RBFOX1: variants seen among roughly 807,000 people sequenced by gnomAD.
RBFOX1 encodes the protein RNA binding protein fox-1 homolog 1.
Under a neutral mutation model 57.7 loss-of-function variants are expected in RBFOX1, and 8 were observed. The ratio of observed to expected loss-of-function variants is 0.14; its 90% CI spans 0.08 to 0.25. The LOEUF is 0.25. Ranked by LOEUF, RBFOX1 falls within the 10% of genes least tolerant of loss-of-function variation. The pLI, the probability that RBFOX1 is intolerant of heterozygous loss-of-function variation, is 1.00. For missense variants in RBFOX1, 611 were observed against 548.5 expected (o/e 1.11, Z -1.14); for synonymous variants, 326 against 222.4 (o/e 1.47, Z -4.15).
At chr16:5,886,940 C>A (rs1555558350) in intron 4 of RBFOX1, among the ~76,000 whole-genome samples, 3 of 152,274 alleles carry the variant, frequency 2.0e-5, no homozygotes, top group South Asian at 4.1e-4. Context: ...ACCAGTCATT[C>A]CCTTAGACCA....
At chr16:6,956,517 G>T (rs1446124082) in intron 3 of RBFOX1, among the ~76,000 whole-genome samples, 12 of 152,154 alleles carry the variant, frequency 7.9e-5, no homozygotes, top group Admixed American at 6.5e-4. Flanking sequence ...TAAACCTGGA[G>T]TGGGGAAGGA....
chr16:5,867,150 A>G (rs12598489), intron 3 of RBFOX1, among the ~76,000 whole-genome samples: 7,721 of 149,322 alleles, frequency 0.052, 257 homozygotes, highest in Admixed American at 0.073. Flanking sequence ...AAGAAAATGC[A>G]TGTGTGTGTG....
intron 4 of RBFOX1, among the ~76,000 whole-genome samples, chr16:7,355,670 C>T (rs146067593): frequency 1.3e-5 from 2 of 152,218 alleles, no homozygotes; most frequent in African/African-American, 4.8e-5. Context: ...GCACACAATT[C>T]TATAAACAGT....
chr16:6,393,738 A>C (rs895314976), intron 2 of RBFOX1, among the ~76,000 whole-genome samples: 23 of 152,286 alleles, frequency 1.5e-4, no homozygotes, highest in African/African-American at 5.1e-4. Flanking sequence ...AGGAAAGGCA[A>C]GGCTGTGTGT....
intron 4 of RBFOX1, among the ~76,000 whole-genome samples, chr16:7,252,935 C>G (rs990698369): frequency 1.3e-5 from 2 of 152,134 alleles, no homozygotes; most frequent in African/African-American, 4.8e-5. Context: ...TGTGTAATCA[C>G]ACACATTTTG....
intron 3 of RBFOX1, among the ~76,000 whole-genome samples, chr16:5,630,732 C>T (rs1056116488): frequency 6.6e-6 from 1 of 152,094 alleles, no homozygotes; most frequent in South Asian, 2.1e-4. Context: ...TCATTCATAC[C>T]CAGGCAGTAT....
intron 4 of RBFOX1, among the ~76,000 whole-genome samples, chr16:7,258,952 C>T (rs1603451661): frequency 6.6e-6 from 1 of 152,182 alleles, no homozygotes; most frequent in African/African-American, 2.4e-5. Flanking sequence ...AAGATGGGTC[C>T]TGTTTCACCT....
Position 6,432,214 on chromosome 16 carries a change from C to A in RBFOX1, c.-64+115157C>A, listed in dbSNP as rs138651634. ...GAATTCCTGACTTTAAGCAGTCCTC[C>A]CACCTGGGCTTCCCAAAGTGCTAGG... On this transcript the variant is annotated intron_variant, in intron 2 of 15. Transcript: ENST00000550418. Among the ~76,000 whole-genome samples, 76 of 152,060 alleles carry A rather than the reference C, an allele frequency of 5.0e-4. 1 individual carries two copies. The highest frequency in any genetic ancestry group is 1.4e-3 in the African/African-American group (57 of 41,462).
chr16:6,931,433 C>G lies in RBFOX1; in HGVS notation c.-15-120624C>G, dbSNP rs116837417. On this transcript the variant is annotated intron_variant, in intron 3 of 15. Coordinates refer to ENST00000550418, the MANE Select transcript of RBFOX1 (RefSeq NM_018723.4). ...CATGAACCACTAAAGGCATAATAAA[C>G]GTCTGCTGCCTTGGACCAGCATCTC... Among the ~76,000 whole-genome samples the G allele has an allele frequency of 1.8e-4, 27 of 151,918 alleles. 1 individual carries two copies. The East Asian group carries it at 5.2e-3, about 29-fold the overall frequency.
intron 1 of RBFOX1, among the ~76,000 whole-genome samples, chr16:6,242,182 T>C (rs1420984731): frequency 6.6e-6 from 1 of 152,190 alleles, no homozygotes; most frequent in Non-Finnish European, 1.5e-5. Flanking sequence ...GTACATGTTA[T>C]ATGCATATAT....
At chr16:5,423,678 T>C (rs916328455) in intron 1 of RBFOX1, among the ~76,000 whole-genome samples, 1 of 152,198 alleles carries the variant, frequency 6.6e-6, no homozygotes, top group Admixed American at 6.5e-5. Flanking sequence ...TTTACAAATC[T>C]ATCTTGCTGT....
At chr16:7,628,092 A>G (rs1363826113) in intron 10 of RBFOX1, among the ~76,000 whole-genome samples, 2 of 152,198 alleles carry the variant, frequency 1.3e-5, no homozygotes, top group African/African-American at 4.8e-5. Context: ...CATCGAGGAT[A>G]TTGAAAATTG....
rs1255929364 is a variant in RBFOX1 at position 7,052,567 on chromosome 16, AGT to A, written c.27+471_27+472del. ...TGTTATCTATAGACCTCTTGGTTTT[AGT>A]GACATTTGTGTATATGGGAGAGGGA... On this transcript the variant is annotated intron_variant, in intron 4 of 15. Coordinates refer to ENST00000550418, the MANE Select transcript of RBFOX1 (RefSeq NM_018723.4). 1.1e-4 allele frequency among the ~76,000 whole-genome samples: 17 copies of A among 152,270 alleles called. No homozygotes were observed. In the East Asian group the frequency reaches 2.9e-3, roughly 26 times the overall value.
intron 3 of RBFOX1, among the ~76,000 whole-genome samples, chr16:6,741,169 C>A (rs1178875876): frequency 6.6e-6 from 1 of 151,878 alleles, no homozygotes; most frequent in Non-Finnish European, 1.5e-5. Context: ...TATTTATAGG[C>A]AAAATAATAA....
At chr16:5,429,728 G>A (rs995951730) in intron 1 of RBFOX1, among the ~76,000 whole-genome samples, 1 of 152,192 alleles carries the variant, frequency 6.6e-6, no homozygotes, top group African/African-American at 2.4e-5. Flanking sequence ...ACATCACTGT[G>A]CCATAATTCT....
intron 2 of RBFOX1, among the ~76,000 whole-genome samples, chr16:6,445,715 T>A (rs1197220596): frequency 6.6e-6 from 1 of 152,072 alleles, no homozygotes; most frequent in African/African-American, 2.4e-5. Flanking sequence ...CCCGAGTAGC[T>A]GGGACTACAG....
chr16:6,684,082 A>C (rs1361718517), intron 3 of RBFOX1, among the ~76,000 whole-genome samples: 2 of 152,198 alleles, frequency 1.3e-5, no homozygotes, highest in Non-Finnish European at 2.9e-5. Context: ...TTGTGTGTAC[A>C]CGGTATGTTC....
chr16:5,327,727 C>G (rs541746657), intron 1 of RBFOX1, among the ~76,000 whole-genome samples: 1 of 152,166 alleles, frequency 6.6e-6, no homozygotes, highest in Non-Finnish European at 1.5e-5. Flanking sequence ...GTGAGCTGCC[C>G]TACTTTGCAA....
At chr16:6,425,639 A>T (rs1229615134) in intron 2 of RBFOX1, among the ~76,000 whole-genome samples, 1 of 152,110 alleles carries the variant, frequency 6.6e-6, no homozygotes, top group Admixed American at 6.6e-5. Flanking sequence ...TGTTTTGAAA[A>T]CAGTTTGATG....
Sources: allele counts gnomAD v4.1 joint callset (sites outside exome capture counted in the v4.1 genomes callset), GRCh38; gene constraint gnomAD v4.1.1; transcripts MANE v1.5; gene names NCBI Gene and HGNC (gene_info 2026-07-23, HGNC 2026-07-21).